The following HAGH variants were observed in gnomAD, a reference collection of about 807,000 sequenced individuals.
The protein encoded by HAGH is hydroxyacylglutathione hydrolase, mitochondrial.
HAGH carries 29 observed loss-of-function variants against 35.1 expected under a neutral mutation model. The observed-to-expected ratio is 0.83, with a 90% CI of 0.62 to 1.13. The LOEUF (loss-of-function observed/expected upper bound fraction) is 1.13, where lower values mean the gene tolerates loss of function less well. Ranked by LOEUF, HAGH falls within the 50% of genes most tolerant of loss-of-function variation. HAGH has a pLI of 0.00. For missense variants in HAGH, 478 were observed against 419.6 expected, an observed-to-expected ratio of 1.14 and a Z score of -1.22; for synonymous variants, 225 against 176.1, an observed-to-expected ratio of 1.28 and a Z score of -2.20.
At chr16:1,827,190 C>T, upstream of HAGH, 1 of 1,564,198 alleles carries the variant, frequency 6.4e-7, no homozygotes, top group Middle Eastern at 1.7e-4. Flanking sequence ...CCGTAGGCAT[C>T]AGCTGACCGG....
At chr16:1,818,444 C>G (rs1567258171) in intron 5 of HAGH, 1 of 152,310 alleles carries the variant, frequency 6.6e-6, no homozygotes, top group Non-Finnish European at 1.5e-5. Flanking sequence ...CCCAGGGGTC[C>G]GAGTGTGGCC....
At chr16:1,825,131 A>G (rs1308734340) in intron 1 of HAGH, among the ~76,000 whole-genome samples, 5 of 71,076 alleles carry the variant, frequency 7.0e-5, no homozygotes, top group Non-Finnish European at 1.4e-4. Context: ...AGCCTGACCA[A>G]TATGGTGAAA....
chr16:1,822,281 G>A lies in HAGH; in HGVS notation c.314+19C>T, dbSNP rs1567262023. The A allele has an allele frequency of 1.3e-6, 2 of 1,571,066 alleles. No individual in the cohort carries two copies. Among genetic ancestry groups the A allele is most frequent in the Admixed American group, 1.7e-5 (1 of 59,952 alleles). On this transcript the variant is annotated intron_variant, in intron 3 of 8. Transcript: ENST00000397356. ...AAGTGAGCCAGGTCCCACACCCCCA[G>A]GTGAGACGCGGCACTTACCAGTGGT... is the stretch of plus-strand genomic sequence containing the variant.
At chr16:1,827,140 G>A (rs1898480056), upstream of HAGH, 65 of 1,485,190 alleles carry the variant, frequency 4.4e-5, no homozygotes, top group Non-Finnish European at 5.8e-5. Flanking sequence ...CCGTCGCTGC[G>A]GGGGACAGCG....
chr16:1,822,805 G>T (rs937027635), intron 2 of HAGH, 60 bp downstream of exon 2: 51 of 1,430,742 alleles, frequency 3.6e-5, no homozygotes, highest in Non-Finnish European at 4.7e-5. Flanking sequence ...AAACCCATCG[G>T]GGGTGAGGAC....
chr16:1,822,116 A>T, intron 3 of HAGH, 184 bp downstream of exon 3: 1 of 595,900 alleles, frequency 1.7e-6, no homozygotes, highest in South Asian at 1.9e-5. Context: ...CCTCAGAGTC[A>T]CTGAGCACCA....
At chr16:1,820,455 T>C (rs946548100) in intron 3 of HAGH, among the ~76,000 whole-genome samples, 44 of 150,410 alleles carry the variant, frequency 2.9e-4, no homozygotes, top group African/African-American at 1.1e-3. Flanking sequence ...GCTGCCCAGT[T>C]TGTGGCCCGA....
At position 1,819,147 on chromosome 16, in the gene HAGH, G is replaced by A. The variant is rs1163436710; in HGVS notation, c.509C>T (p.Pro170Leu). The change falls in exon 5 of 9, where the codon CCC becomes CTC. Residue 170 changes from proline (P) to leucine (L), a missense_variant. By Grantham distance (98) the Pro-to-Leu change is moderately conservative. Coordinates refer to ENST00000397356, the MANE Select transcript of HAGH (RefSeq NM_005326.6). ...SGHICYFVSK[P>L]GGSEPPAVFT... is the part of the protein sequence containing the mutation. ...CACGGCAGGGGGCTCCGAGCCTCCG[G>A]GCTTGCTCACGAAGTAACAAATGTG... 1.2e-6 allele frequency: 2 copies of A among 1,613,012 alleles called. No homozygotes were observed. The highest frequency in any genetic ancestry group is 2.2e-5 in the South Asian group (2 of 91,068).
chr16:1,817,849 G>A (rs1289853718), intron 5 of HAGH, among the ~76,000 whole-genome samples: 2 of 152,184 alleles, frequency 1.3e-5, no homozygotes, highest in Non-Finnish European at 2.9e-5. Context: ...CGGCTGTCCT[G>A]GCCTCGCTGA....
At chr16:1,817,145 G>A in intron 6 of HAGH, 23 bp downstream of exon 6, 4 of 1,525,130 alleles carry the variant, frequency 2.6e-6, no homozygotes, top group Non-Finnish European at 3.6e-6. Flanking sequence ...CCACACCCCG[G>A]CCCGCAGGGA....
chr16:1,814,516 A>G (rs922290258), intron 7 of HAGH, among the ~76,000 whole-genome samples: 5 of 151,878 alleles, frequency 3.3e-5, no homozygotes, highest in African/African-American at 7.3e-5. Context: ...AGTAAATGGA[A>G]CTTCACCAAA....
intron 7 of HAGH, among the ~76,000 whole-genome samples, chr16:1,814,022 C>A (rs1285205875): frequency 6.6e-6 from 1 of 152,116 alleles, no homozygotes; most frequent in African/African-American, 2.4e-5. Context: ...ACCCTCACCT[C>A]GCACCACACA....
chr16:1,814,187 T>C (rs972476499), intron 7 of HAGH, among the ~76,000 whole-genome samples: 2 of 151,830 alleles, frequency 1.3e-5, no homozygotes, highest in Non-Finnish European at 2.9e-5. Flanking sequence ...AAAGAAAAAT[T>C]GAGTAGGCCG....
In HAGH at chr16:1,822,925, G is replaced by A. The variant is rs527817609; in HGVS notation, c.189C>T (p.Tyr63=). ...VLPALTDNYM[Y]LVIDDETKEA... is the part of the protein sequence containing the mutation. ...CCTTGGTCTCATCATCAATGACCAG[G>A]TACATGTAGTTGTCGGTCAGGGCAG... Residue 63 remains tyrosine, a synonymous_variant, in exon 2 of 9, where the codon TAC becomes TAT. Coordinates refer to ENST00000397356, the MANE Select transcript of HAGH (RefSeq NM_005326.6). 4.5e-5 allele frequency: 72 copies of A among 1,613,674 alleles called. No homozygotes were observed. The highest frequency in any genetic ancestry group is 5.9e-5 in the Non-Finnish European group (70 of 1,179,828).
rs1285422213 is a variant in HAGH, at chr16:1,817,257, C to T, written c.556G>A (p.Val186Met). ...PAVFTGDTLF[V>M]AGCGKFYEGT... ...TCATAGAACTTCCCGCAGCCAGCCA[C>T]AAACAAGGTGTCACCTGGAAACAAG... The change falls in exon 6 of 9, where the codon GTG (valine) becomes ATG (methionine). Residue 186 changes from valine to methionine, a missense_variant. Coordinates refer to ENST00000397356, the MANE Select transcript of HAGH (RefSeq NM_005326.6). 2 of 1,611,656 alleles carry T rather than the reference C, an allele frequency of 1.2e-6. No homozygotes were observed. The highest frequency in any genetic ancestry group is 1.1e-5 in the South Asian group (1 of 91,014).
At chr16:1,817,119 C>T (rs756471032) in intron 6 of HAGH, 49 bp downstream of exon 6, 1 of 1,403,284 alleles carries the variant, frequency 7.1e-7, no homozygotes, top group Non-Finnish European at 1.0e-6. Flanking sequence ...AGCAGCCCCG[C>T]CCTGGTTAAG....
intron 7 of HAGH, among the ~76,000 whole-genome samples, chr16:1,813,043 G>A (rs754500632): frequency 2.1e-4 from 32 of 152,320 alleles, no homozygotes; most frequent in Non-Finnish European, 4.1e-4. Context: ...CTTCTCCTGG[G>A]TGTTCACACG....
At chr16:1,813,859 A>G (rs1313274885) in intron 7 of HAGH, among the ~76,000 whole-genome samples, 2 of 152,214 alleles carry the variant, frequency 1.3e-5, no homozygotes, top group Non-Finnish European at 2.9e-5. Flanking sequence ...AGTCATAGAG[A>G]CCAACGAAAC....
intron 2 of HAGH, 74 bp from the exon 3 acceptor site, chr16:1,822,438 G>T: frequency 8.8e-7 from 1 of 1,142,026 alleles, no homozygotes; most frequent in Non-Finnish European, 1.3e-6. Flanking sequence ...ATGGTAGGGT[G>T]CCCAGCAGAA....
Sources: gnomAD v4.1 joint callset for allele counts (sites outside exome capture counted in the v4.1 genomes callset) on GRCh38, gnomAD v4.1.1 for gene constraint, MANE v1.5 for transcripts, NCBI Gene and HGNC (gene_info 2026-07-23, HGNC 2026-07-21) for gene names.